Variants in REPS1 observed in about 807,000 individuals in gnomAD.
REPS1 encodes ralBP1-associated Eps domain-containing protein 1.
A neutral mutation model predicts 100.9 loss-of-function variants in REPS1; 39 were observed. That is an observed-to-expected ratio of 0.39 (90% CI 0.30 to 0.50). The LOEUF (loss-of-function observed/expected upper bound fraction) is 0.50, where lower values mean the gene tolerates loss of function less well. Among genes scored for constraint, REPS1 ranks in the 20% least tolerant of loss-of-function variants. The pLI, the probability that REPS1 is intolerant of heterozygous loss-of-function variation, is 0.86. For synonymous variants in REPS1, 324 were observed against 340.3 expected, an observed-to-expected ratio of 0.95 and a Z score of 0.53; for missense variants, 821 against 968.5, an observed-to-expected ratio of 0.85 and a Z score of 2.02.
intron 17 of REPS1, among the ~76,000 whole-genome samples, chr6:138,910,563 A>G (rs1244726777): frequency 6.6e-6 from 1 of 152,156 alleles, no homozygotes. Context: ...CACATTGCCC[A>G]GGCTGGTCTC....
rs2128520983 is a variant in REPS1 at position 138,987,483 on chromosome 6, G to A, written c.153+47C>T. ...CGCCCACTCCCACTCCTGGAGGCCA[G>A]TGACTGCAGGCCTAAGCCGCCCGCC... On this transcript the variant is annotated intron_variant, in intron 1 of 19. Transcript: ENST00000450536. The A allele has an allele frequency of 5.4e-6, 8 of 1,479,288 alleles. No homozygotes were observed. The East Asian group carries it at 1.7e-4, about 31-fold the overall frequency. 91.6% of individuals were successfully genotyped at this position (1,479,288 alleles called of 1,614,324 possible).
intron 1 of REPS1, among the ~76,000 whole-genome samples, chr6:138,966,068 T>C (rs1248041620): frequency 6.6e-6 from 1 of 152,144 alleles, no homozygotes; most frequent in Non-Finnish European, 1.5e-5. Context: ...TAATTCGCCC[T>C]GGTCACAGTA....
At chr6:138,933,860 G>A (rs1781630116) in intron 8 of REPS1, among the ~76,000 whole-genome samples, 1 of 151,972 alleles carries the variant, frequency 6.6e-6, no homozygotes, top group Non-Finnish European at 1.5e-5. Context: ...GACTCTTGGG[G>A]TCCACAAATT....
chr6:138,964,591 T>C (rs926064253), intron 1 of REPS1, among the ~76,000 whole-genome samples: 4 of 152,006 alleles, frequency 2.6e-5, no homozygotes, highest in Admixed American at 6.6e-5. Flanking sequence ...TATTTCAAAA[T>C]ATGTTGTATA....
intron 19 of REPS1, among the ~76,000 whole-genome samples, chr6:138,906,900 G>C (rs1195986116): frequency 2.0e-5 from 3 of 152,048 alleles, no homozygotes; most frequent in Non-Finnish European, 4.4e-5. Flanking sequence ...GGAACCATAA[G>C]CAATTCTGGG....
intron 1 of REPS1, among the ~76,000 whole-genome samples, chr6:138,971,335 G>A (rs1784332634): frequency 6.6e-6 from 1 of 152,164 alleles, no homozygotes; most frequent in Admixed American, 6.5e-5. Flanking sequence ...TCAGTGGACT[G>A]TGCTAGGGAA....
chr6:138,906,189 T>C (rs1239731191), intron 19 of REPS1, among the ~76,000 whole-genome samples: 1 of 152,350 alleles, frequency 6.6e-6, no homozygotes, highest in Non-Finnish European at 1.5e-5. Context: ...TTAATAATCA[T>C]ATAACTACAA....
chr6:138,912,914 C>T lies in REPS1; in HGVS notation c.1822G>A (p.Asp608Asn), dbSNP rs1274364851. ...GTACTAGTGTGAGTTATGAGGCCATCGGCATCCACTGGGCGATGCACAGCA... is the reference window on the plus strand; with the variant it reads ...GTACTAGTGTGAGTTATGAGGCCATTGGCATCCACTGGGCGATGCACAGCA... ...GPAVHRPVDA[D>N]GLITHTSTSP... Residue 608 changes from aspartate to asparagine, a missense_variant, in exon 16 of 20, where the codon GAT becomes AAT. Asp to Asn is a conservative substitution (Grantham distance 23). Transcript: ENST00000450536. 3 of 1,613,906 alleles carry T rather than the reference C, an allele frequency of 1.9e-6. No individual in the cohort carries two copies. The highest frequency in any genetic ancestry group is 2.2e-5 in the East Asian group (1 of 44,898).
chr6:138,913,842 C>A (rs1428081580), intron 15 of REPS1, among the ~76,000 whole-genome samples: 2 of 152,190 alleles, frequency 1.3e-5, no homozygotes, highest in Non-Finnish European at 2.9e-5. Context: ...GTTTGGAATA[C>A]CTTTTCCCCA....
chr6:138,960,203 T>C (rs1448281454), intron 1 of REPS1, among the ~76,000 whole-genome samples: 1 of 152,212 alleles, frequency 6.6e-6, no homozygotes, highest in African/African-American at 2.4e-5. Flanking sequence ...CAAAAATGCT[T>C]TAGAGCCAAT....
In REPS1 at chr6:138,967,982, C is replaced by A. The variant is rs569717754; in HGVS notation, c.153+19548G>T. Among the ~76,000 whole-genome samples the A allele has an allele frequency of 2.0e-5, 3 of 152,302 alleles. No individual in the cohort carries two copies. The South Asian group carries it at 6.2e-4, about 32-fold the overall frequency. On this transcript the variant is annotated intron_variant, in intron 1 of 19. Transcript: ENST00000450536. ...GCAGTTAAGTACAGATGCTCCTTAA[C>A]TTACGATGGGGTCACATCCCGATAA...
intron 1 of REPS1, among the ~76,000 whole-genome samples, chr6:138,964,973 G>A (rs1270416483): frequency 6.6e-6 from 1 of 152,024 alleles, no homozygotes; most frequent in Non-Finnish European, 1.5e-5. Flanking sequence ...CAATGTAAGG[G>A]GACTGAAGCA....
At chr6:138,907,680 T>C (rs767290191) in intron 18 of REPS1, 80 bp from the exon 19 acceptor site, 2 of 900,402 alleles carry the variant, frequency 2.2e-6, no homozygotes, top group Non-Finnish European at 3.6e-6. Context: ...CTGATCTATT[T>C]CTAAACATGA....
chr6:138,926,819 C>CCTTG (rs1781160215), intron 9 of REPS1: 1 of 172,908 alleles, frequency 5.8e-6, no homozygotes, highest in Non-Finnish European at 1.2e-5. Context: ...AAGAGGCATG[C>CCTTG]CTTGACTAAA....
At chr6:138,943,781 CA>C in intron 6 of REPS1, 71 bp downstream of exon 6, 1 of 1,320,708 alleles carries the variant, frequency 7.6e-7, no homozygotes, top group East Asian at 2.3e-5. Flanking sequence ...ACCAATAAAA[CA>C]ATGTCTTTGA....
Position 138,908,804 on chromosome 6 carries a change from T to C in REPS1, c.2080A>G (p.Thr694Ala). ...SAPANVSKGT[T>A]PLAPPPKPVR... ...GGTTTAGGTGGTGGAGCAAGTGGTG[T>C]TGTGCCTTTGCTCTTTAAGACAAGA... Residue 694 changes from threonine (T) to alanine (A), a missense_variant, in exon 18 of 20, where the codon ACA becomes GCA. Thr to Ala is a moderately conservative substitution (Grantham distance 58). This residue lies in a region of REPS1 where 757 missense variants were observed against 866.4 expected (regional missense o/e 0.87). Transcript: ENST00000450536. The C allele has an allele frequency of 6.2e-7, 1 of 1,613,604 alleles. No individual in the cohort carries two copies. The highest frequency in any genetic ancestry group is 1.1e-5 in the South Asian group (1 of 90,858).
At position 138,929,993 on chromosome 6, in the gene REPS1, A is replaced by T; in HGVS notation, c.1241T>A (p.Leu414Gln). 1 of 1,613,638 alleles carries T rather than the reference A, an allele frequency of 6.2e-7. No homozygotes were observed. The highest frequency in any genetic ancestry group is 1.3e-5 in the African/African-American group (1 of 75,008). Residue 414 changes from leucine to glutamine, a missense_variant, in exon 9 of 20, where the codon CTG becomes CAG. Physicochemically the swap from Leu to Gln is moderately radical, Grantham distance 113 (BLOSUM62 -2). Transcript: ENST00000450536. Reference sequence around the variant, plus strand: ...TTTGCTAACCTCACTGCTCTGATTCAGCTCAGGCCATGTCTGGTTTAGTGA... The same window carrying T: ...TTTGCTAACCTCACTGCTCTGATTCTGCTCAGGCCATGTCTGGTTTAGTGA... ...MPSLNQTWPELNQSSEQWETF... is the reference protein window; with the variant it reads ...MPSLNQTWPEQNQSSEQWETF...
intron 12 of REPS1, among the ~76,000 whole-genome samples, chr6:138,919,351 T>C (rs1780606018): frequency 6.6e-6 from 1 of 152,172 alleles, no homozygotes; most frequent in African/African-American, 2.4e-5. Context: ...TCCTAAATTG[T>C]GTCCTGTTTT....
At chr6:138,937,866 G>A (rs1781959633) in intron 8 of REPS1, among the ~76,000 whole-genome samples, 1 of 152,136 alleles carries the variant, frequency 6.6e-6, no homozygotes, top group South Asian at 2.1e-4. Flanking sequence ...TTCCTAGAAG[G>A]CTCTAGTCTG....
Sources: gnomAD v4.1 joint callset for allele counts (sites outside exome capture counted in the v4.1 genomes callset) on GRCh38, gnomAD v4.1.1 for gene constraint, gnomAD v4.1.1 regional missense constraint, MANE v1.5 for transcripts, NCBI Gene and HGNC (gene_info 2026-07-23, HGNC 2026-07-21) for gene names.